BBS9: variants seen among roughly 807,000 people sequenced by gnomAD.
BBS9 encodes the protein Bardet-Biedl syndrome 9, also known as protein PTHB1.
BBS9 carries 89 observed loss-of-function variants against 117.7 expected under a neutral mutation model. That is an observed-to-expected ratio of 0.76 (90% CI 0.64 to 0.90). BBS9 has a LOEUF of 0.90. BBS9 is among the 40% of genes least tolerant of loss of function. BBS9 has a pLI of 0.00. For missense variants in BBS9, 982 were observed against 1,042.2 expected, an observed-to-expected ratio of 0.94 and a Z score of 0.80; for synonymous variants, 379 against 370.9, an observed-to-expected ratio of 1.02 and a Z score of -0.25.
At chr7:33,513,940 TC>T (rs1847348039) in intron 20 of BBS9, among the ~76,000 whole-genome samples, 1 of 152,164 alleles carries the variant, frequency 6.6e-6, no homozygotes, top group South Asian at 2.1e-4. Context: ...AAAATGTCAA[TC>T]ATAAAACTAA....
At chr7:33,133,278 C>T (rs12671396) in intron 1 of BBS9, among the ~76,000 whole-genome samples, 22,359 of 152,126 alleles carry the variant, frequency 0.15, 1,946 homozygotes, top group South Asian at 0.21. Context: ...ACAATTCACC[C>T]ATTTAACACA....
At chr7:33,516,638 G>T (rs1278849634) in intron 20 of BBS9, among the ~76,000 whole-genome samples, 1 of 152,110 alleles carries the variant, frequency 6.6e-6, no homozygotes, top group Non-Finnish European at 1.5e-5. Flanking sequence ...GCAAGTCCAT[G>T]ACTTCCTATC....
At chr7:33,376,596 T>C (rs1823936831) in intron 17 of BBS9, among the ~76,000 whole-genome samples, 1 of 152,252 alleles carries the variant, frequency 6.6e-6, no homozygotes. Flanking sequence ...AGTTATGTTT[T>C]AGTTTTTTGA....
intron 9 of BBS9, among the ~76,000 whole-genome samples, chr7:33,318,055 A>G (rs1810913334): frequency 6.6e-6 from 1 of 152,214 alleles, no homozygotes; most frequent in Non-Finnish European, 1.5e-5. Context: ...GTCTCAAACA[A>G]AACAATACAA....
intron 19 of BBS9, among the ~76,000 whole-genome samples, chr7:33,460,785 C>T (rs1322654568): frequency 6.6e-6 from 1 of 151,956 alleles, no homozygotes; most frequent in African/African-American, 2.4e-5. Context: ...AATTCATTGA[C>T]ATTTAATGCA....
At chr7:33,616,733 G>C (rs1486334666) in intron 21 of BBS9, among the ~76,000 whole-genome samples, 5 of 151,246 alleles carry the variant, frequency 3.3e-5, no homozygotes, top group Middle Eastern at 3.4e-3. Context: ...ATAGATTTAG[G>C]GAGTAAAGTG....
chr7:33,402,702 T>C (rs2128794588), intron 19 of BBS9, among the ~76,000 whole-genome samples: 1 of 152,316 alleles, frequency 6.6e-6, no homozygotes, highest in East Asian at 1.9e-4. Flanking sequence ...TTTCCTCAAC[T>C]TTTATCTTAG....
intron 19 of BBS9, among the ~76,000 whole-genome samples, chr7:33,466,547 C>T (rs923638514): frequency 1.3e-4 from 20 of 152,008 alleles, no homozygotes; most frequent in African/African-American, 4.8e-4. Flanking sequence ...TGTTTACATA[C>T]CATTTATTCT....
rs11983159 is a variant in BBS9 at position 33,288,334 on chromosome 7, G to T, written c.1016+14378G>T. On this transcript the variant is annotated intron_variant, in intron 9 of 22. Transcript: ENST00000242067. Reference sequence around the variant, plus strand: ...TGTGTCCACACTACTTAATTCTCTTGGTTGTGAGACAAAAAACTCTGGGTG... The same window carrying T: ...TGTGTCCACACTACTTAATTCTCTTTGTTGTGAGACAAAAAACTCTGGGTG... Among the ~76,000 whole-genome samples, 417 of 152,124 alleles carry T rather than the reference G, an allele frequency of 2.7e-3. 1 individual carries two copies. The highest frequency in any genetic ancestry group is 9.8e-3 in the African/African-American group (406 of 41,498).
intron 9 of BBS9, among the ~76,000 whole-genome samples, chr7:33,311,162 G>A (rs58172854): frequency 0.024 from 3,723 of 152,236 alleles, 141 homozygotes; most frequent in African/African-American, 0.083. Flanking sequence ...TGTACCAGGT[G>A]CCAAAGGGGC....
At chr7:33,306,169 C>G (rs1416682190) in intron 9 of BBS9, among the ~76,000 whole-genome samples, 2 of 152,028 alleles carry the variant, frequency 1.3e-5, no homozygotes, top group African/African-American at 4.8e-5. Flanking sequence ...CATTCAGGAG[C>G]ATATTGTTTA....
intron 17 of BBS9, chr7:33,380,492 T>G (rs1377622726): frequency 6.5e-6 from 1 of 152,846 alleles, no homozygotes; most frequent in East Asian, 1.9e-4. Context: ...AGTGGGAGGA[T>G]ATGGACCCCT....
intron 19 of BBS9, among the ~76,000 whole-genome samples, chr7:33,428,881 T>C (rs999447187): frequency 1.3e-5 from 2 of 152,206 alleles, no homozygotes; most frequent in African/African-American, 4.8e-5. Context: ...TTTTTTGACA[T>C]TGGTGTTAGG....
Position 33,462,132 on chromosome 7 carries a change from CTAGT to C in BBS9, c.2116-43329_2116-43326del, listed in dbSNP as rs1369655829. 7.9e-5 allele frequency among the ~76,000 whole-genome samples: 12 copies of C among 152,092 alleles called. No individual in the cohort carries two copies. In the East Asian group the frequency reaches 2.3e-3, roughly 29 times the overall value. The stretch of plus-strand genomic sequence containing the variant: ...TAAATCAAAATCTAAAACCTTGACT[CTAGT>C]TTGATTACACAAGAATGTTTTATTG... On this transcript the variant is annotated intron_variant, in intron 19 of 22. Coordinates refer to ENST00000242067, the MANE Select transcript of BBS9 (RefSeq NM_198428.3).
intron 19 of BBS9, among the ~76,000 whole-genome samples, chr7:33,414,344 G>A (rs1219717160): frequency 2.0e-5 from 3 of 152,084 alleles, no homozygotes; most frequent in Non-Finnish European, 4.4e-5. Context: ...GCCCCTTTCA[G>A]AATAATCAGA....
In BBS9 at chr7:33,135,360, T is replaced by A. The variant is rs556124260; in HGVS notation, c.-12+5319T>A. ...TCTTTGACATATTTTGAGTTAATTT[T>A]AAAAATATTATTCGAGGTAAGTGTC... On this transcript the variant is annotated intron_variant, in intron 1 of 22. Transcript: ENST00000242067. 1.4e-4 allele frequency among the ~76,000 whole-genome samples: 22 copies of A among 152,384 alleles called. No individual in the cohort carries two copies. The South Asian group carries it at 2.9e-3, about 20-fold the overall frequency.
intron 17 of BBS9, among the ~76,000 whole-genome samples, chr7:33,378,564 C>A (rs1437356240): frequency 2.6e-5 from 4 of 152,124 alleles, no homozygotes; most frequent in Admixed American, 6.6e-5. Flanking sequence ...TTGAGGTAAT[C>A]CAAATTTTTA....
At chr7:33,386,506 T>C (rs1826044594) in intron 18 of BBS9, among the ~76,000 whole-genome samples, 1 of 134,364 alleles carries the variant, frequency 7.4e-6, no homozygotes, top group Non-Finnish European at 1.6e-5. Context: ...ATTTATTTAT[T>C]TTGAGACGGG....
intron 19 of BBS9, among the ~76,000 whole-genome samples, chr7:33,471,567 G>A (rs1179992633): frequency 3.3e-5 from 5 of 152,150 alleles, no homozygotes; most frequent in African/African-American, 1.2e-4. Context: ...ATCTAGAAGG[G>A]CATTCTCATT....
Sources: allele counts gnomAD v4.1 joint callset (sites outside exome capture counted in the v4.1 genomes callset), GRCh38; gene constraint gnomAD v4.1.1; transcripts MANE v1.5; gene names NCBI Gene and HGNC (gene_info 2026-07-23, HGNC 2026-07-21).